The following CNOT11 variants were observed in gnomAD, a reference collection of about 807,000 sequenced individuals.
The protein encoded by CNOT11 is UPF0760 protein C2orf29.
In CNOT11, 18 loss-of-function variants were observed where a neutral mutation model predicts 44.6. The ratio of observed to expected loss-of-function variants is 0.40; its 90% CI spans 0.28 to 0.60. The LOEUF (loss-of-function observed/expected upper bound fraction) is 0.60. CNOT11 is among the 20% of genes least tolerant of loss of function. CNOT11 has a pLI of 0.38. For missense variants in CNOT11, 513 were observed against 677.0 expected, an observed-to-expected ratio of 0.76 and a Z score of 2.69; for synonymous variants, 291 against 270.9, an observed-to-expected ratio of 1.07 and a Z score of -0.73.
chr2:101,255,556 G>T (rs985615713), intron 1 of CNOT11, among the ~76,000 whole-genome samples: 3 of 152,252 alleles, frequency 2.0e-5, no homozygotes, highest in East Asian at 3.9e-4. Flanking sequence ...AGTAGGTAGG[G>T]ATGGTGTGTA....
At chr2:101,259,432 TAGG>T (rs980194832) in intron 2 of CNOT11, among the ~76,000 whole-genome samples, 16 of 152,088 alleles carry the variant, frequency 1.1e-4, no homozygotes, top group African/African-American at 3.1e-4. Context: ...CAGAAAATAA[TAGG>T]AGAAGGAGAA....
chr2:101,261,495 T>C (rs374136801), intron 2 of CNOT11, among the ~76,000 whole-genome samples: 1 of 152,218 alleles, frequency 6.6e-6, no homozygotes, highest in South Asian at 2.1e-4. Flanking sequence ...GTGAACATTC[T>C]TGCACATTAT....
intron 3 of CNOT11, among the ~76,000 whole-genome samples, chr2:101,264,433 A>G (rs1351810879): frequency 6.6e-6 from 1 of 152,222 alleles, no homozygotes; most frequent in African/African-American, 2.4e-5. Context: ...AGTACAAATC[A>G]TAGTGGCAGC....
Position 101,261,844 on chromosome 2 carries a change from C to CTTTTTTTTTT in CNOT11, c.680-684_680-675dup, listed in dbSNP as rs3044629. On this transcript the variant is annotated intron_variant, in intron 2 of 6. Coordinates refer to ENST00000289382, the MANE Select transcript of CNOT11 (RefSeq NM_017546.5). The stretch of plus-strand genomic sequence containing the variant: ...TTTTTTCCTGTTGGTTTCTTTCTTT[C>CTTTTTTTTTT]TTTTTTTTTTTTTTTTTTTTGAGAT... 1.7e-3 allele frequency among the ~76,000 whole-genome samples: 194 copies of CTTTTTTTTTT among 111,830 alleles called. 2 individuals carry two copies. The highest frequency in any genetic ancestry group is 2.6e-3 in the Non-Finnish European group (148 of 56,368). 73.4% of individuals were successfully genotyped at this position (111,830 alleles called of 152,430 possible).
intron 1 of CNOT11, among the ~76,000 whole-genome samples, chr2:101,254,409 T>C (rs1451216832): frequency 6.6e-6 from 1 of 152,136 alleles, no homozygotes; most frequent in African/African-American, 2.4e-5. Flanking sequence ...CGTTTCTAGT[T>C]AGTGTTCCTG....
chr2:101,264,990 C>A lies in CNOT11; in HGVS notation c.978C>A (p.Ile326=). Residue 326 remains isoleucine (I), a synonymous_variant, in exon 4 of 7, where the codon ATC becomes ATA. Coordinates refer to ENST00000289382, the MANE Select transcript of CNOT11 (RefSeq NM_017546.5). ...MCVKNSTGVE[I]KRIMAKAFKS... ...TTAAGAATAGCACTGGTGTGGAGATCAAACGAATAATGGCCAAAGCCTTCA... is the reference window on the plus strand; with the variant it reads ...TTAAGAATAGCACTGGTGTGGAGATAAAACGAATAATGGCCAAAGCCTTCA... 1.2e-6 allele frequency: 2 copies of A among 1,614,132 alleles called. No individual in the cohort carries two copies.
chr2:101,256,472 A>G (rs373346803), intron 1 of CNOT11, among the ~76,000 whole-genome samples: 2 of 152,084 alleles, frequency 1.3e-5, no homozygotes, highest in Non-Finnish European at 2.9e-5. Flanking sequence ...ATCTGAGGGA[A>G]TGCAGCCTGG....
intron 4 of CNOT11, among the ~76,000 whole-genome samples, 164 bp downstream of exon 4, chr2:101,265,211 G>A (rs1000087254): frequency 3.1e-4 from 47 of 151,916 alleles, no homozygotes; most frequent in African/African-American, 1.1e-3. Context: ...AGTGATACTC[G>A]TGCCTCAGCG....
rs919870002 is a variant in CNOT11, at chr2:101,266,939, G to C, written c.1238+60G>C. ...AGATACAGATTAGATGGCCAGGAAA[G>C]AAAAATTGTAACAGATTTTTGTCTT... is the stretch of plus-strand genomic sequence containing the variant. On this transcript the variant is annotated intron_variant, in intron 5 of 6. Transcript: ENST00000289382. The C allele has an allele frequency of 2.5e-5, 32 of 1,260,346 alleles. No homozygotes were observed. In the African/African-American group the frequency reaches 4.2e-4, roughly 16 times the overall value. 78.1% of individuals were successfully genotyped at this position (1,260,346 alleles called of 1,614,324 possible).
chr2:101,265,202 G>A (rs1189701229), intron 4 of CNOT11, among the ~76,000 whole-genome samples, 155 bp downstream of exon 4: 1 of 152,134 alleles, frequency 6.6e-6, no homozygotes, highest in African/African-American at 2.4e-5. Flanking sequence ...CCGGGTTCAA[G>A]TGATACTCGT....
intron 5 of CNOT11, 144 bp downstream of exon 5, chr2:101,267,023 C>T: frequency 1.6e-6 from 1 of 616,132 alleles, no homozygotes; most frequent in Non-Finnish European, 2.8e-6. Context: ...GCATTCACTA[C>T]ATGTAAATTT....
intron 1 of CNOT11, among the ~76,000 whole-genome samples, chr2:101,257,478 G>A (rs1167093512): frequency 6.6e-6 from 1 of 151,602 alleles, no homozygotes; most frequent in Non-Finnish European, 1.5e-5. Flanking sequence ...ACTCCTGGCC[G>A]ATGTTTTAAC....
At position 101,252,982 on chromosome 2, in the gene CNOT11, G is replaced by C. The variant is rs769075718; in HGVS notation, c.18G>C (p.Ala6=). MPGGG[A]SAASGRLLTA... ...CGAGGTTGATGCCCGGCGGAGGGGC[G>C]AGCGCGGCGTCTGGCCGGCTTCTCA... The change falls in exon 1 of 7, where the codon GCG becomes GCC. Residue 6 remains alanine, a synonymous_variant. Transcript: ENST00000289382. 5.4e-6 allele frequency: 8 copies of C among 1,488,666 alleles called. No homozygotes were observed. The highest frequency in any genetic ancestry group is 7.1e-6 in the Non-Finnish European group (8 of 1,127,118). 92.2% of individuals were successfully genotyped at this position (1,488,666 alleles called of 1,614,324 possible). A position where few individuals can be genotyped will look rare whatever the true frequency, so the allele number is the denominator to read the frequency against.
intron 1 of CNOT11, among the ~76,000 whole-genome samples, chr2:101,257,529 T>C (rs1037931684): frequency 6.6e-6 from 1 of 152,118 alleles, no homozygotes; most frequent in Non-Finnish European, 1.5e-5. Context: ...GCGTTTTGTG[T>C]TTCTTTCCTC....
At chr2:101,266,550 TTGGTTCAATGCAGA>T in intron 4 of CNOT11, 113 bp from the exon 5 acceptor site, 1 of 672,328 alleles carries the variant, frequency 1.5e-6, no homozygotes, top group Non-Finnish European at 2.6e-6. Context: ...ATTTATGAAG[TTGGTTCAATGCAGA>T]TAGTTTTGTA....
chr2:101,269,251 A>G lies in CNOT11; in HGVS notation c.1371A>G (p.Gln457=). The G allele has an allele frequency of 6.2e-7, 1 of 1,613,788 alleles. No homozygotes were observed. Among genetic ancestry groups the G allele is most frequent in the Non-Finnish European group, 8.5e-7 (1 of 1,179,956 alleles). Residue 457 remains glutamine, a synonymous_variant, in exon 7 of 7, where the codon CAA becomes CAG. Transcript: ENST00000289382. This position sits in a 1 kb window ranked among gnomAD's most constrained non-coding sequence, Gnocchi z 4.8. ...TGCGTCTTGTGTGTGTGTTTCTCCAATCCTTGATCCGTAACAAAATTATTA... is the reference window on the plus strand; with the variant it reads ...TGCGTCTTGTGTGTGTGTTTCTCCAGTCCTTGATCCGTAACAAAATTATTA... ...RLVRLVCVFL[Q]SLIRNKIINV...
intron 2 of CNOT11, among the ~76,000 whole-genome samples, chr2:101,260,796 C>G (rs1003059142): frequency 6.6e-6 from 1 of 150,896 alleles, no homozygotes; most frequent in Non-Finnish European, 1.5e-5. Flanking sequence ...CTACCACTTA[C>G]TAGTTTACCA....
intron 2 of CNOT11, among the ~76,000 whole-genome samples, chr2:101,260,261 G>C (rs1380099493): frequency 6.6e-6 from 1 of 152,004 alleles, no homozygotes; most frequent in Admixed American, 6.6e-5. Context: ...TATTCTGATG[G>C]TTCTAGCTTA....
At chr2:101,255,278 A>G (rs536977033) in intron 1 of CNOT11, among the ~76,000 whole-genome samples, 2 of 151,502 alleles carry the variant, frequency 1.3e-5, no homozygotes, top group South Asian at 2.1e-4. Flanking sequence ...GGCGGATCAC[A>G]AGGTCAGGAG....
Sources: allele counts gnomAD v4.1 joint callset (sites outside exome capture counted in the v4.1 genomes callset), GRCh38; gene constraint gnomAD v4.1.1; non-coding constraint Gnocchi (gnomAD v3.1); transcripts MANE v1.5; gene names NCBI Gene and HGNC (gene_info 2026-07-23, HGNC 2026-07-21).